Variants in HGF observed in about 807,000 individuals in gnomAD.
The protein encoded by HGF is fibroblast-derived tumor cytotoxic factor.
A neutral mutation model predicts 111.6 loss-of-function variants in HGF; 39 were observed. The ratio of observed to expected loss-of-function variants is 0.35; its 90% CI spans 0.27 to 0.46. The LOEUF is 0.46. Among genes scored for constraint, HGF ranks in the 20% least tolerant of loss-of-function variants. The pLI, the probability that HGF is intolerant of heterozygous loss-of-function variation, is 1.00. For missense variants in HGF, 735 were observed against 910.5 expected (o/e 0.81, Z 2.48); for synonymous variants, 285 against 294.8 (o/e 0.97, Z 0.34).
intron 6 of HGF, among the ~76,000 whole-genome samples, chr7:81,744,376 T>C (rs1439391324): frequency 6.6e-6 from 1 of 151,864 alleles, no homozygotes; most frequent in Non-Finnish European, 1.5e-5. Flanking sequence ...AAAAGATAGA[T>C]TAGTTGCCTG....
rs958456186 is a variant in HGF, at chr7:81,700,531, G to A, written c.*2050C>T. 6.6e-6 allele frequency: 1 copy of A among 151,490 alleles called. No individual in the cohort carries two copies. Among genetic ancestry groups the A allele is most frequent in the Non-Finnish European group, 1.5e-5 (1 of 67,662 alleles). 9.4% of individuals were successfully genotyped at this position (151,490 alleles called of 1,614,324 possible). On this transcript the variant is annotated 3_prime_UTR_variant, in exon 18 of 18. Coordinates refer to ENST00000222390, the MANE Select transcript of HGF (RefSeq NM_000601.6). ...CATTAAAGAAGTATTTTTAAAATGT[G>A]AGTATTTAAAATTATGACAATTTTT...
intron 6 of HGF, among the ~76,000 whole-genome samples, chr7:81,743,955 C>CT (rs1788116283): frequency 6.6e-6 from 1 of 152,204 alleles, no homozygotes; most frequent in Non-Finnish European, 1.5e-5. Flanking sequence ...CTTCATCACA[C>CT]TACTTTCTCC....
chr7:81,711,853 A>C (rs932224498), intron 11 of HGF, among the ~76,000 whole-genome samples: 1 of 152,180 alleles, frequency 6.6e-6, no homozygotes, highest in Non-Finnish European at 1.5e-5. Context: ...CATGTGGGCC[A>C]GGCTGGTCTC....
chr7:81,758,768 G>T lies in HGF; in HGVS notation c.291C>A (p.Leu97=). 6.2e-7 allele frequency: 1 copy of T among 1,613,096 alleles called. No individual in the cohort carries two copies. The highest frequency in any genetic ancestry group is 8.5e-7 in the Non-Finnish European group (1 of 1,179,462). Residue 97 remains leucine (L), a synonymous_variant, in exon 3 of 18, where the codon CTC becomes CTA. Transcript: ENST00000222390. ...TTGACATGCTATTGAAGGGGAACCA[G>T]AGGCATTGTTTTCTTGCTTTATCAA... is the stretch of plus-strand genomic sequence containing the variant. ...FVFDKARKQC[L]WFPFNSMSSG...
intron 1 of HGF, among the ~76,000 whole-genome samples, chr7:81,769,504 C>T (rs990016467): frequency 2.6e-5 from 4 of 152,040 alleles, no homozygotes; most frequent in African/African-American, 7.2e-5. Flanking sequence ...GACTTCCTGC[C>T]GGACTGACCA....
chr7:81,717,437 G>C, intron 10 of HGF, 72 bp from the exon 11 acceptor site: 1 of 1,376,054 alleles, frequency 7.3e-7, no homozygotes, highest in Non-Finnish European at 1.0e-6. Context: ...ATTACAAAAA[G>C]ATATAATCTC....
At chr7:81,715,146 A>G (rs1789675731) in intron 11 of HGF, among the ~76,000 whole-genome samples, 1 of 152,082 alleles carries the variant, frequency 6.6e-6, no homozygotes, top group Non-Finnish European at 1.5e-5. Context: ...AACCATGCAT[A>G]TGTGCTAGAT....
chr7:81,754,057 G>T (rs977218121), intron 4 of HGF, among the ~76,000 whole-genome samples: 3 of 151,900 alleles, frequency 2.0e-5, no homozygotes, highest in African/African-American at 7.2e-5. Context: ...TTTAAGCAAA[G>T]AATACTATAG....
chr7:81,767,500 A>G (rs1288139899), intron 1 of HGF, among the ~76,000 whole-genome samples: 1 of 152,116 alleles, frequency 6.6e-6, no homozygotes, highest in Admixed American at 6.6e-5. Context: ...TTCCTTTCTT[A>G]TTTGTTCATC....
chr7:81,759,588 T>C (rs746937441), intron 2 of HGF, among the ~76,000 whole-genome samples: 57 of 151,736 alleles, frequency 3.8e-4, no homozygotes, highest in Non-Finnish European at 6.2e-4. Flanking sequence ...CACTGCAAGC[T>C]CCGCCTCCCG....
In HGF at chr7:81,705,542, T is replaced by A. The variant is rs540676769; in HGVS notation, c.1865-7A>T. ...AGGCCATCATAGTTGATCACTAGAT[T>A]GATGCAAAAAACATACAATAAGGTG... On this transcript the variant is annotated splice_region_variant and splice_polypyrimidine_tract_variant and intron_variant, in intron 16 of 17. Transcript: ENST00000222390. 6.2e-7 allele frequency: 1 copy of A among 1,612,150 alleles called. No homozygotes were observed. The highest frequency in any genetic ancestry group is 2.2e-5 in the East Asian group (1 of 44,832).
chr7:81,727,743 C>T lies in HGF; in HGVS notation c.1041-1726G>A, dbSNP rs553646542. Reference sequence around the variant, plus strand: ...TCAAGCCATCCTCCCGTCTCATCCTCCCAAAGTTCTGGATTGTTCATTTAG... The same window carrying T: ...TCAAGCCATCCTCCCGTCTCATCCTTCCAAAGTTCTGGATTGTTCATTTAG... On this transcript the variant is annotated intron_variant, in intron 8 of 17. Coordinates refer to ENST00000222390, the MANE Select transcript of HGF (RefSeq NM_000601.6). 2.4e-4 allele frequency among the ~76,000 whole-genome samples: 37 copies of T among 152,234 alleles called. 2 individuals are homozygous for T. The South Asian group carries it at 7.5e-3, about 31-fold the overall frequency.
chr7:81,704,681 T>C (rs1410766361), intron 17 of HGF, among the ~76,000 whole-genome samples: 1 of 151,820 alleles, frequency 6.6e-6, no homozygotes, highest in African/African-American at 2.4e-5. Context: ...GACATTTCAC[T>C]ATCATTGAAC....
chr7:81,767,204 T>C (rs1280483558), intron 1 of HGF, among the ~76,000 whole-genome samples: 2 of 151,950 alleles, frequency 1.3e-5, no homozygotes, highest in Non-Finnish European at 2.9e-5. Context: ...TCTAACAGGG[T>C]TTTTTGAAAA....
At chr7:81,759,252 A>G (rs1788940502) in intron 2 of HGF, among the ~76,000 whole-genome samples, 1 of 152,200 alleles carries the variant, frequency 6.6e-6, no homozygotes, top group Non-Finnish European at 1.5e-5. Flanking sequence ...AGATATCAGG[A>G]GTAATTTACA....
chr7:81,712,098 GGT>G (rs1459990416), intron 11 of HGF, among the ~76,000 whole-genome samples: 1 of 152,078 alleles, frequency 6.6e-6, no homozygotes, highest in African/African-American at 2.4e-5. Context: ...GAGGCTCTCA[GGT>G]GTGTGTTTTG....
intron 1 of HGF, among the ~76,000 whole-genome samples, chr7:81,768,648 G>C (rs949935377): frequency 1.3e-5 from 2 of 152,076 alleles, no homozygotes; most frequent in Non-Finnish European, 2.9e-5. Context: ...CAAAGTGCTG[G>C]GATTACAGGC....
chr7:81,728,942 C>T (rs1424295328), intron 8 of HGF, among the ~76,000 whole-genome samples: 2 of 152,192 alleles, frequency 1.3e-5, no homozygotes, highest in Non-Finnish European at 2.9e-5. Context: ...AAACACATGG[C>T]ATTGTGTCTG....
intron 2 of HGF, among the ~76,000 whole-genome samples, chr7:81,761,266 CT>C (rs1188133064): frequency 6.6e-6 from 1 of 152,182 alleles, no homozygotes; most frequent in East Asian, 1.9e-4. Flanking sequence ...TAGGAATATA[CT>C]TGCAAAGTCA....
Sources: gnomAD v4.1 joint callset for allele counts (sites outside exome capture counted in the v4.1 genomes callset) on GRCh38, gnomAD v4.1.1 for gene constraint, MANE v1.5 for transcripts, NCBI Gene and HGNC (gene_info 2026-07-23, HGNC 2026-07-21) for gene names.